Variants in SH2B2 observed in about 807,000 individuals in gnomAD.
SH2B2 encodes the protein SH2B adapter protein 2.
SH2B2 carries 37 observed loss-of-function variants against 35.7 expected under a neutral mutation model. The observed-to-expected ratio is 1.04, with a 90% confidence interval of 0.80 to 1.36. The LOEUF (loss-of-function observed/expected upper bound fraction) is 1.36. Ranked by LOEUF, SH2B2 falls within the 40% of genes most tolerant of loss-of-function variation. The pLI, the probability that SH2B2 is intolerant of heterozygous loss-of-function variation, is 0.00. For missense variants in SH2B2, 852 were observed against 817.7 expected (o/e 1.04, Z -0.51); for synonymous variants, 383 against 376.4 (o/e 1.02, Z -0.20).
At chr7:102,285,677 TG>T (rs1190024383), upstream of SH2B2, among the ~76,000 whole-genome samples, 1 of 152,100 alleles carries the variant, frequency 6.6e-6, no homozygotes, top group Non-Finnish European at 1.5e-5. Flanking sequence ...AAATTAGAGA[TG>T]GGAAATGGCT....
At chr7:102,305,980 G>T (rs990771224) in intron 2 of SH2B2, among the ~76,000 whole-genome samples, 2 of 144,424 alleles carry the variant, frequency 1.4e-5, no homozygotes, top group Admixed American at 1.5e-4. Flanking sequence ...CTGCAGCCTC[G>T]ACCACCTCCC....
In SH2B2 at chr7:102,306,819, C is replaced by G. The variant is rs956664027; in HGVS notation, c.828C>G (p.Leu276=). Residue 276 remains leucine, a synonymous_variant, in exon 3 of 9, where the codon CTC becomes CTG. Transcript: ENST00000444095. The stretch of plus-strand genomic sequence containing the variant: ...CAGAGAAGGATAACACATTCGTCCT[C>G]AAGGTGAGGTCTCACCCCTAACCTC... ...EMPEKDNTFV[L]KVENGAEYIL... 1 of 1,576,774 alleles carries G rather than the reference C, an allele frequency of 6.3e-7. No individual in the cohort carries two copies. Among genetic ancestry groups the G allele is most frequent in the Admixed American group, 1.8e-5 (1 of 54,402 alleles).
At chr7:102,308,679 T>C (rs1793495968) in intron 3 of SH2B2, 136 bp from the exon 4 acceptor site, 5 of 708,682 alleles carry the variant, frequency 7.1e-6, no homozygotes, top group African/African-American at 3.5e-5. Context: ...CCCCACTTTC[T>C]TTCCTGCTGC....
chr7:102,296,429 A>G (rs895690436), intron 1 of SH2B2, among the ~76,000 whole-genome samples: 1 of 152,146 alleles, frequency 6.6e-6, no homozygotes, highest in Non-Finnish European at 1.5e-5. Context: ...TTGTCCCCCA[A>G]CACTAAGCCG....
At position 102,317,299 on chromosome 7, in the gene SH2B2, A is replaced by AG. The variant is rs782364656; in HGVS notation, c.1305dup (p.Pro436AlafsTer13). ...TCAAGGCTGCTCAACTGGTTCTGGCAGGGGGGCCCCGGAACCACGGCCTCT... is the reference window on the plus strand; with the variant it reads ...TCAAGGCTGCTCAACTGGTTCTGGCAGGGGGGGCCCCGGAACCACGGCCTCT... On this transcript the variant is annotated frameshift_variant, in exon 7 of 9. Coordinates refer to ENST00000444095, the MANE Select transcript of SH2B2 (RefSeq NM_001359228.2). LOFTEE classifies it high-confidence loss of function. The AG allele has an allele frequency of 2.5e-6, 4 of 1,613,478 alleles. No homozygotes were observed. Among genetic ancestry groups the AG allele is most frequent in the South Asian group, 1.1e-5 (1 of 91,084 alleles).
At chr7:102,286,807 CT>C (rs1165617513), upstream of SH2B2, 2 of 79,798 alleles carry the variant, frequency 2.5e-5, no homozygotes, top group African/African-American at 9.8e-5. Context: ...GGGGCCGGGG[CT>C]CGCGGCGGGG....
Position 102,313,372 on chromosome 7 carries a change from C to T in SH2B2, c.924-964C>T, listed in dbSNP as rs904927042. Among the ~76,000 whole-genome samples, 53 of 151,984 alleles carry T rather than the reference C, an allele frequency of 3.5e-4. 1 individual carries two copies. Among genetic ancestry groups the T allele is most frequent in the Middle Eastern group, 6.8e-3 (2 of 294 alleles). ...CTGAGGCAGGGGAATCACTTGAACC[C>T]GGGAGGCAGAAGTTGCGGTGAGCTG... is the stretch of plus-strand genomic sequence containing the variant. On this transcript the variant is annotated intron_variant, in intron 4 of 8. Coordinates refer to ENST00000444095, the MANE Select transcript of SH2B2 (RefSeq NM_001359228.2).
intron 1 of SH2B2, among the ~76,000 whole-genome samples, chr7:102,298,410 CCA>C (rs1486060423): frequency 6.6e-6 from 1 of 151,994 alleles, no homozygotes; most frequent in Non-Finnish European, 1.5e-5. Flanking sequence ...TGTAGGCATG[CCA>C]CCACATCCAG....
intron 1 of SH2B2, among the ~76,000 whole-genome samples, chr7:102,293,480 A>AG (rs1792770932): frequency 6.6e-6 from 1 of 150,716 alleles, no homozygotes; most frequent in Admixed American, 6.6e-5. Context: ...GAAAAAAAAA[A>AG]CACATTTTTT....
chr7:102,307,523 C>T (rs568325832), intron 3 of SH2B2, among the ~76,000 whole-genome samples: 1 of 152,140 alleles, frequency 6.6e-6, no homozygotes, highest in African/African-American at 2.4e-5. Context: ...TGTTTAGTCA[C>T]GGACTCACTT....
At chr7:102,285,724 G>A (rs1221433303), upstream of SH2B2, among the ~76,000 whole-genome samples, 6 of 152,244 alleles carry the variant, frequency 3.9e-5, no homozygotes, top group Non-Finnish European at 5.9e-5. Context: ...GGCCCGGGAG[G>A]GCGACAGATG....
In SH2B2 at chr7:102,300,882, C is replaced by T; in HGVS notation, c.332C>T (p.Pro111Leu). 6.8e-7 allele frequency: 1 copy of T among 1,465,928 alleles called. No individual in the cohort carries two copies. Among genetic ancestry groups the T allele is most frequent in the South Asian group, 1.4e-5 (1 of 73,740 alleles). The allele number at this position is 1,465,928 out of a possible 1,614,324, so 90.8% of individuals were successfully genotyped here. Residue 111 changes from proline to leucine, a missense_variant, in exon 2 of 9, where the codon CCC (proline) becomes CTC (leucine). Pro to Leu is a moderately conservative substitution (Grantham distance 98). Coordinates refer to ENST00000444095, the MANE Select transcript of SH2B2 (RefSeq NM_001359228.2). The stretch of plus-strand genomic sequence containing the variant: ...GACACCTCTGCACTCAAGGCGGCGC[C>T]CTACGGCCACTCGCGGAGCTCGGAG... ...LADTSALKAA[P>L]YGHSRSSEDV...
chr7:102,309,441 A>G lies in SH2B2; in HGVS notation c.923+535A>G, dbSNP rs993930017. 1.8e-5 allele frequency: 5 copies of G among 285,490 alleles called. No individual in the cohort carries two copies. The East Asian group carries it at 4.3e-4, about 25-fold the overall frequency. The allele number at this position is 285,490 out of a possible 1,614,324, so 17.7% of individuals were successfully genotyped here. A position where few individuals can be genotyped will look rare whatever the true frequency, so the allele number is the denominator to read the frequency against. On this transcript the variant is annotated intron_variant, in intron 4 of 8. Transcript: ENST00000444095. ...AGTGGTGTGATCTTGGCTCACTGCA[A>G]TCTCCGCCTCCCAGGTTCAAGCAAT...
At chr7:102,296,586 G>T (rs1467044725) in intron 1 of SH2B2, among the ~76,000 whole-genome samples, 1 of 152,246 alleles carries the variant, frequency 6.6e-6, no homozygotes, top group African/African-American at 2.4e-5. Context: ...CAGGTGATGG[G>T]CTGGGCCCAA....
chr7:102,290,315 A>G, intron 1 of SH2B2, among the ~76,000 whole-genome samples: 1 of 133,724 alleles, frequency 7.5e-6, no homozygotes, highest in Non-Finnish European at 1.6e-5. Context: ...GTGCAACCTC[A>G]GCTCCCTGCA....
Position 102,321,521 on chromosome 7 carries a change from A to G in SH2B2, c.1790A>G (p.Asn597Ser). 1 of 1,145,550 alleles carries G rather than the reference A, an allele frequency of 8.7e-7. No homozygotes were observed. Among genetic ancestry groups the G allele is most frequent in the Non-Finnish European group, 1.1e-6 (1 of 933,068 alleles). 71.0% of individuals were successfully genotyped at this position (1,145,550 alleles called of 1,614,324 possible). ...CAGCTCAGCGCGCGGAGCCGCAGCA[A>G]CAGCGCCGAGCGCCTGCTGGAGGCC... Reference protein sequence around the residue: ...EGQLSARSRSNSAERLLEAVA... With the variant: ...EGQLSARSRSSSAERLLEAVA... The change falls in exon 9 of 9, where the codon AAC (asparagine) becomes AGC (serine). Residue 597 changes from asparagine (N) to serine (S), a missense_variant. Asn to Ser is a conservative substitution (Grantham distance 46). Transcript: ENST00000444095.
chr7:102,286,775 G>A (rs868961877), upstream of SH2B2: 1 of 53,516 alleles, frequency 1.9e-5, no homozygotes, highest in Non-Finnish European at 4.3e-5. Context: ...AGGGGGCGGG[G>A]CCAGGACGCG....
At position 102,320,402 on chromosome 7, in the gene SH2B2, C is replaced by T. The variant is rs782678406; in HGVS notation, c.1467C>T (p.Asp489=). The part of the protein sequence containing the change: ...VQHLWFQSVL[D]MLRHFHTHPI... ...ATCTGTGGTTCCAGTCTGTGCTTGA[C>T]ATGCTCCGCCACTTCCACACACACC... Residue 489 remains aspartate (D), a synonymous_variant, in exon 8 of 9, where the codon GAC becomes GAT. Transcript: ENST00000444095. 1 of 1,613,692 alleles carries T rather than the reference C, an allele frequency of 6.2e-7. No homozygotes were observed. Among genetic ancestry groups the T allele is most frequent in the South Asian group, 1.1e-5 (1 of 91,086 alleles).
rs983466666 is a variant in SH2B2, at chr7:102,306,968, A to C, written c.831+146A>C. 10 of 649,156 alleles carry C rather than the reference A, an allele frequency of 1.5e-5. No homozygotes were observed. In the Middle Eastern group the frequency reaches 7.7e-4, roughly 50 times the overall value. 40.2% of individuals were successfully genotyped at this position (649,156 alleles called of 1,614,324 possible). ...GAGCCCTGGTGTGGGGGGTTCCCAG[A>C]CCCTATGACAGATGCCTAGCACATA... On this transcript the variant is annotated intron_variant, in intron 3 of 8. Coordinates refer to ENST00000444095, the MANE Select transcript of SH2B2 (RefSeq NM_001359228.2).
Sources: gnomAD v4.1 joint callset for allele counts (sites outside exome capture counted in the v4.1 genomes callset) on GRCh38, gnomAD v4.1.1 for gene constraint, MANE v1.5 for transcripts, NCBI Gene and HGNC (gene_info 2026-07-23, HGNC 2026-07-21) for gene names.